Variants in SLIT3 observed in about 807,000 individuals in gnomAD.
SLIT3 encodes slit homolog 3 protein.
In SLIT3, 68 loss-of-function variants were observed where a neutral mutation model predicts 184.0. The observed-to-expected ratio is 0.37, with a 90% CI of 0.30 to 0.45. The LOEUF is 0.45. Ranked by LOEUF, SLIT3 falls within the 20% of genes least tolerant of loss-of-function variation. The probability of loss-of-function intolerance (pLI) is 1.00; values close to 1 mark genes in which losing one functional copy is unlikely to be tolerated. For synonymous variants in SLIT3, 831 were observed against 828.6 expected (o/e 1.00, Z -0.05); for missense variants, 1,707 against 2,026.0 (o/e 0.84, Z 3.02).
chr5:168,809,656 T>G (rs940134626), intron 8 of SLIT3, among the ~76,000 whole-genome samples: 1 of 152,110 alleles, frequency 6.6e-6, no homozygotes, highest in Non-Finnish European at 1.5e-5. Context: ...GGCAGTGGTG[T>G]TTTTGGTCTT....
intron 14 of SLIT3, among the ~76,000 whole-genome samples, chr5:168,767,384 T>A (rs544076661): frequency 6.6e-6 from 1 of 152,268 alleles, no homozygotes; most frequent in Non-Finnish European, 1.5e-5. Flanking sequence ...CTAGGATTTA[T>A]CAAGGAACAA....
chr5:168,717,866 T>G (rs561685816), intron 23 of SLIT3, among the ~76,000 whole-genome samples: 1 of 152,206 alleles, frequency 6.6e-6, no homozygotes, highest in South Asian at 2.1e-4. Flanking sequence ...TTCACCATAT[T>G]AGCCAGGATG....
intron 4 of SLIT3, among the ~76,000 whole-genome samples, chr5:168,897,971 C>T (rs1026210437): frequency 2.6e-5 from 4 of 152,220 alleles, no homozygotes; most frequent in Non-Finnish European, 4.4e-5. Flanking sequence ...CCTAAGCTCC[C>T]ATCTCCAGCA....
chr5:169,234,591 G>A, intron 3 of SLIT3, among the ~76,000 whole-genome samples: 1 of 151,940 alleles, frequency 6.6e-6, no homozygotes, highest in Non-Finnish European at 1.5e-5. Flanking sequence ...ATTTTTGGTA[G>A]AGACGAGGTT....
intron 4 of SLIT3, among the ~76,000 whole-genome samples, chr5:169,108,967 T>C (rs1438609940): frequency 1.3e-5 from 2 of 152,182 alleles, no homozygotes; most frequent in Non-Finnish European, 2.9e-5. Context: ...GGTCTCTTGA[T>C]GATTTTCTGC....
chr5:168,828,247 G>A (rs1292410888), intron 6 of SLIT3, among the ~76,000 whole-genome samples: 1 of 152,164 alleles, frequency 6.6e-6, no homozygotes, highest in African/African-American at 2.4e-5. Context: ...TGATGGAATC[G>A]GAACCTAGGG....
chr5:168,850,313 T>A (rs924649252), intron 5 of SLIT3, among the ~76,000 whole-genome samples: 3 of 152,222 alleles, frequency 2.0e-5, no homozygotes, highest in Non-Finnish European at 4.4e-5. Context: ...GCTCATTTTG[T>A]ACACTTGCCC....
At chr5:168,884,410 G>C (rs1561986242) in intron 4 of SLIT3, among the ~76,000 whole-genome samples, 1 of 54,394 alleles carries the variant, frequency 1.8e-5, no homozygotes, top group African/African-American at 5.1e-5. Flanking sequence ...TATAAAAGGT[G>C]TCTCTCTCTC....
chr5:168,724,523 C>G (rs1763045062), intron 20 of SLIT3, 39 bp from the exon 21 acceptor site: 1 of 1,569,522 alleles, frequency 6.4e-7, no homozygotes, highest in Non-Finnish European at 8.7e-7. Flanking sequence ...GAGAAAGAGA[C>G]ACTGTACAAA....
intron 5 of SLIT3, among the ~76,000 whole-genome samples, chr5:168,862,660 TTTG>T (rs1268053094): frequency 2.7e-5 from 4 of 145,616 alleles, no homozygotes; most frequent in African/African-American, 1.1e-4. Context: ...CATTGGTTTT[TTTG>T]TTTGTTTGTT....
chr5:168,964,997 C>A (rs1458935553), intron 4 of SLIT3, among the ~76,000 whole-genome samples: 2 of 152,234 alleles, frequency 1.3e-5, no homozygotes, highest in Non-Finnish European at 2.9e-5. Context: ...GAGACTCACC[C>A]AGGGCACATC....
At chr5:169,159,776 T>C (rs1210744594) in intron 4 of SLIT3, among the ~76,000 whole-genome samples, 2 of 152,144 alleles carry the variant, frequency 1.3e-5, no homozygotes, top group Admixed American at 1.3e-4. Context: ...ACTCCGTCTC[T>C]TAAACAAACA....
intron 4 of SLIT3, among the ~76,000 whole-genome samples, chr5:168,946,028 A>G (rs1481358875): frequency 6.6e-6 from 1 of 152,220 alleles, no homozygotes; most frequent in Non-Finnish European, 1.5e-5. Flanking sequence ...TATGTGCTGT[A>G]TTCTTATTTA....
intron 4 of SLIT3, among the ~76,000 whole-genome samples, chr5:168,957,512 G>A (rs1334019224): frequency 1.3e-5 from 2 of 152,200 alleles, no homozygotes; most frequent in Non-Finnish European, 2.9e-5. Context: ...GGTATAGGAG[G>A]TCTGGGGTGA....
chr5:169,124,579 T>C (rs975959561), intron 4 of SLIT3, among the ~76,000 whole-genome samples: 4 of 152,226 alleles, frequency 2.6e-5, no homozygotes, highest in African/African-American at 4.8e-5. Flanking sequence ...GAAGTATAGA[T>C]GTAGATATGG....
chr5:168,957,229 C>CAA (rs369179350), intron 4 of SLIT3, among the ~76,000 whole-genome samples: 12,939 of 121,286 alleles, frequency 0.11, 1,101 homozygotes, highest in African/African-American at 0.24. Flanking sequence ...AAGTCTGTCT[C>CAA]AAAAAAAAAA....
intron 8 of SLIT3, among the ~76,000 whole-genome samples, chr5:168,810,872 A>T (rs1757136700): frequency 6.6e-6 from 1 of 151,824 alleles, no homozygotes; most frequent in African/African-American, 2.4e-5. Context: ...TCCAGCCCAA[A>T]CTCTCACAGG....
chr5:169,002,391 C>T (rs990493457), intron 4 of SLIT3, among the ~76,000 whole-genome samples: 1 of 120,260 alleles, frequency 8.3e-6, no homozygotes, highest in Non-Finnish European at 1.7e-5. Context: ...TCAATGAGTA[C>T]AGATGGGGCA....
chr5:169,120,054 A>C (rs1181395511), intron 4 of SLIT3: 2 of 152,168 alleles, frequency 1.3e-5, no homozygotes, highest in Admixed American at 6.5e-5. Context: ...AAACTACTCC[A>C]TGTGCAAAAT....
Sources: gnomAD v4.1 joint callset for allele counts (sites outside exome capture counted in the v4.1 genomes callset) on GRCh38, gnomAD v4.1.1 for gene constraint, MANE v1.5 for transcripts, NCBI Gene and HGNC (gene_info 2026-07-23, HGNC 2026-07-21) for gene names.